Variants in PPP3CC observed in about 807,000 individuals in gnomAD.
The protein encoded by PPP3CC is serine/threonine-protein phosphatase 2B catalytic subunit gamma isoform.
A neutral mutation model predicts 60.3 loss-of-function variants in PPP3CC; 35 were observed. The ratio of observed to expected loss-of-function variants is 0.58; its 90% CI spans 0.44 to 0.77. The LOEUF (loss-of-function observed/expected upper bound fraction) is 0.77, where lower values mean the gene tolerates loss of function less well. Among genes scored for constraint, PPP3CC ranks in the 30% least tolerant of loss-of-function variants. The pLI is 0.00. For synonymous variants in PPP3CC, 206 were observed against 224.3 expected (o/e 0.92, Z 0.73); for missense variants, 570 against 628.9 (o/e 0.91, Z 1.00).
chr8:22,447,322 G>C (rs1368339513), intron 1 of PPP3CC, among the ~76,000 whole-genome samples: 1 of 151,762 alleles, frequency 6.6e-6, no homozygotes, highest in African/African-American at 2.4e-5. Context: ...TGGGACTACA[G>C]GCACCTGCCA....
chr8:22,514,399 TACACACATGCAC>T (rs1365719994), intron 6 of PPP3CC, among the ~76,000 whole-genome samples: 2 of 152,112 alleles, frequency 1.3e-5, no homozygotes, highest in Non-Finnish European at 2.9e-5. Flanking sequence ...TTCATTAGAA[TACACACATGCAC>T]ACACACATGA....
At chr8:22,450,981 C>T (rs1837002595) in intron 1 of PPP3CC, among the ~76,000 whole-genome samples, 1 of 149,614 alleles carries the variant, frequency 6.7e-6, no homozygotes, top group Non-Finnish European at 1.5e-5. Flanking sequence ...ACTACAGCCA[C>T]GCGCCACCAC....
chr8:22,456,708 C>G (rs1158683827), intron 1 of PPP3CC, among the ~76,000 whole-genome samples: 1 of 152,152 alleles, frequency 6.6e-6, no homozygotes, highest in African/African-American at 2.4e-5. Context: ...TCAACAGTAC[C>G]GTAACCACAA....
intron 3 of PPP3CC, among the ~76,000 whole-genome samples, chr8:22,485,597 T>C (rs148728017): frequency 6.6e-6 from 1 of 152,348 alleles, no homozygotes; most frequent in East Asian, 1.9e-4. Flanking sequence ...CCAGTGTGGC[T>C]ACCTTGTACT....
chr8:22,475,892 T>C (rs951501415), intron 3 of PPP3CC, among the ~76,000 whole-genome samples: 1 of 152,204 alleles, frequency 6.6e-6, no homozygotes, highest in African/African-American at 2.4e-5. Context: ...CTCTTGAAGA[T>C]AGTATACAGG....
intron 3 of PPP3CC, among the ~76,000 whole-genome samples, chr8:22,488,531 C>T (rs1838290849): frequency 6.6e-6 from 1 of 152,158 alleles, no homozygotes; most frequent in Non-Finnish European, 1.5e-5. Flanking sequence ...GTAGGAGACA[C>T]CTAAACAACA....
chr8:22,511,924 A>G (rs1360978419), intron 5 of PPP3CC, among the ~76,000 whole-genome samples: 1 of 152,202 alleles, frequency 6.6e-6, no homozygotes. Context: ...GTTGGAAGGG[A>G]TGGTCTGAGG....
At chr8:22,464,180 CA>C (rs1476586138) in intron 1 of PPP3CC, among the ~76,000 whole-genome samples, 2 of 151,648 alleles carry the variant, frequency 1.3e-5, no homozygotes, top group African/African-American at 4.8e-5. Context: ...CCCTTTAACC[CA>C]AATTTAATAA....
chr8:22,523,179 C>T (rs1356184980), intron 8 of PPP3CC, among the ~76,000 whole-genome samples: 1 of 151,828 alleles, frequency 6.6e-6, no homozygotes, highest in Non-Finnish European at 1.5e-5. Context: ...GGTAGAGTGA[C>T]CTAGTGTACA....
intron 1 of PPP3CC, among the ~76,000 whole-genome samples, chr8:22,447,429 G>T (rs1021460255): frequency 1.3e-5 from 2 of 151,804 alleles, no homozygotes; most frequent in Non-Finnish European, 2.9e-5. Context: ...TGATCCGCCC[G>T]TCTCGGCCTC....
intron 6 of PPP3CC, among the ~76,000 whole-genome samples, chr8:22,521,289 T>C (rs1394677884): frequency 6.6e-6 from 1 of 152,124 alleles, no homozygotes; most frequent in South Asian, 2.1e-4. Flanking sequence ...CAGGTCAGAG[T>C]GCTGCTTTGA....
chr8:22,494,892 A>G (rs2132506282), intron 3 of PPP3CC, among the ~76,000 whole-genome samples: 1 of 152,266 alleles, frequency 6.6e-6, no homozygotes, highest in Middle Eastern at 3.4e-3. Context: ...TATGAATTTC[A>G]TATATCTTCT....
chr8:22,490,278 C>G (rs1838361036), intron 3 of PPP3CC, among the ~76,000 whole-genome samples: 1 of 152,128 alleles, frequency 6.6e-6, no homozygotes, highest in East Asian at 1.9e-4. Context: ...TTGCAGGACC[C>G]TGACCCTGTT....
chr8:22,475,755 A>T, intron 3 of PPP3CC, 131 bp downstream of exon 3: 5 of 944,318 alleles, frequency 5.3e-6, no homozygotes, highest in Non-Finnish European at 7.5e-6. Flanking sequence ...TCAAAATTAA[A>T]GTAGTAGAAA....
At position 22,497,256 on chromosome 8, in the gene PPP3CC, C is replaced by T. The variant is rs565700522; in HGVS notation, c.373-745C>T. Among the ~76,000 whole-genome samples, 13 of 152,016 alleles carry T rather than the reference C, an allele frequency of 8.6e-5. No homozygotes were observed. In the South Asian group the frequency reaches 1.9e-3, roughly 22 times the overall value. On this transcript the variant is annotated intron_variant, in intron 3 of 13. Coordinates refer to ENST00000240139, the MANE Select transcript of PPP3CC (RefSeq NM_005605.5). The stretch of plus-strand genomic sequence containing the variant: ...TTTGGTCAGGGTAGTCTCGAACTCC[C>T]GACCTCCGGTGATCTGCCCGCCTTG...
intron 8 of PPP3CC, among the ~76,000 whole-genome samples, chr8:22,525,420 CTT>C (rs1306839867): frequency 1.3e-5 from 2 of 151,886 alleles, no homozygotes; most frequent in South Asian, 2.1e-4. Flanking sequence ...TCTTCTTTCT[CTT>C]TCTCTCTTTT....
chr8:22,485,371 A>AC (rs1314561084), intron 3 of PPP3CC, among the ~76,000 whole-genome samples: 3 of 152,186 alleles, frequency 2.0e-5, no homozygotes, highest in Non-Finnish European at 4.4e-5. Flanking sequence ...CTTCCCTGAG[A>AC]CCCCACAGCC....
At chr8:22,442,381 C>A (rs1341674453) in intron 1 of PPP3CC, among the ~76,000 whole-genome samples, 1 of 152,148 alleles carries the variant, frequency 6.6e-6, no homozygotes, top group Admixed American at 6.6e-5. Context: ...TATTAAGATA[C>A]TTTTCTTCTT....
At chr8:22,467,744 C>T (rs1409673058) in intron 1 of PPP3CC, among the ~76,000 whole-genome samples, 1 of 152,144 alleles carries the variant, frequency 6.6e-6, no homozygotes, top group Non-Finnish European at 1.5e-5. Flanking sequence ...GATGTTATAA[C>T]AAAATGCCTT....
Sources: gnomAD v4.1 joint callset for allele counts (sites outside exome capture counted in the v4.1 genomes callset) on GRCh38, gnomAD v4.1.1 for gene constraint, MANE v1.5 for transcripts, NCBI Gene and HGNC (gene_info 2026-07-23, HGNC 2026-07-21) for gene names.